Variants in ZNF207 observed in about 807,000 individuals in gnomAD.
The protein encoded by ZNF207 is BUB3-interacting and GLEBS motif-containing protein ZNF207.
ZNF207 carries 24 observed loss-of-function variants against 60.2 expected under a neutral mutation model. The observed-to-expected ratio is 0.40, with a 90% CI of 0.29 to 0.56. The LOEUF is 0.56. ZNF207 is among the 20% of genes least tolerant of loss of function. The pLI is 0.49. For synonymous variants in ZNF207, 236 were observed against 194.7 expected, an observed-to-expected ratio of 1.21 and a Z score of -1.77; for missense variants, 452 against 636.6, an observed-to-expected ratio of 0.71 and a Z score of 3.12.
chr17:32,373,512 A>G lies in ZNF207; in HGVS notation c.*3753A>G. ...TTTCACAGCTTTATGGCTGTTGGAT[A>G]TTTATGTCCCCAAACTTGCAGCAAG... On this transcript the variant is annotated 3_prime_UTR_variant, in exon 12 of 12. Coordinates refer to ENST00000394670, the MANE Select transcript of ZNF207 (RefSeq NM_001098507.2). The G allele has an allele frequency of 2.1e-6, 1 of 483,794 alleles. No homozygotes were observed. The highest frequency in any genetic ancestry group is 3.7e-6 in the Non-Finnish European group (1 of 268,386). The allele number at this position is 483,794 out of a possible 1,614,324, so 30.0% of individuals were successfully genotyped here.
rs1192414622 is a variant in ZNF207, at chr17:32,378,377, A to G, written c.*8618A>G. 1 of 152,072 alleles carries G rather than the reference A, an allele frequency of 6.6e-6. No homozygotes were observed. Among genetic ancestry groups the G allele is most frequent in the East Asian group, 1.9e-4 (1 of 5,198 alleles). The allele number at this position is 152,072 out of a possible 1,614,324, so 9.4% of individuals were successfully genotyped here. ...TTTTTACATTATGAATCAACCTAAG[A>G]AAAAAGGCAAGTTTCCTCACATCTA... On this transcript the variant is annotated 3_prime_UTR_variant, in exon 12 of 12. Transcript: ENST00000394670.
At chr17:32,350,741 C>T (rs1340606430) in intron 1 of ZNF207, among the ~76,000 whole-genome samples, 1 of 151,710 alleles carries the variant, frequency 6.6e-6, no homozygotes, top group Non-Finnish European at 1.5e-5. Flanking sequence ...CTGTCACCCA[C>T]TTTTTCTGTT....
rs775957450 is a variant in ZNF207, at chr17:32,351,846, T to G, written c.102T>G (p.His34Gln). Residue 34 changes from histidine to glutamine, a missense_variant, in exon 2 of 12, where the codon CAT (histidine) becomes CAG (glutamine). Around this residue, in one of 2 missense-constraint regions of ZNF207, gnomAD observed 62 missense variants for 175.3 expected, o/e 0.35. Coordinates refer to ENST00000394670, the MANE Select transcript of ZNF207 (RefSeq NM_001098507.2). ...KILIQHQKAK[H>Q]FKCHICHKKL... is the part of the protein sequence containing the mutation. The stretch of plus-strand genomic sequence containing the variant: ...TTATTCAGCACCAAAAAGCAAAGCA[T>G]TTTAAATGCCATATATGTCACAAGA... 1 of 1,610,870 alleles carries G rather than the reference T, an allele frequency of 6.2e-7. No individual in the cohort carries two copies.
chr17:32,371,222 T>A lies in ZNF207; in HGVS notation c.*1463T>A, dbSNP rs1284849813. The A allele has an allele frequency of 6.6e-6, 1 of 152,236 alleles. No individual in the cohort carries two copies. Among genetic ancestry groups the A allele is most frequent in the African/African-American group, 2.4e-5 (1 of 41,458 alleles). The allele number at this position is 152,236 out of a possible 1,614,324, so 9.4% of individuals were successfully genotyped here. A position where few individuals can be genotyped will look rare whatever the true frequency, so the allele number is the denominator to read the frequency against. On this transcript the variant is annotated 3_prime_UTR_variant, in exon 12 of 12. Transcript: ENST00000394670. ...ATAATGAACTCAAGTTGAGTTTTTC[T>A]CATTATAAAGTTAAGACTTCTAAGA...
Position 32,357,342 on chromosome 17 carries a change from ATTATTATTATTTT to A in ZNF207, c.169-1158_169-1146del, listed in dbSNP as rs1171495276. 1.6e-3 allele frequency among the ~76,000 whole-genome samples: 106 copies of A among 64,422 alleles called. 1 individual carries two copies. The highest frequency in any genetic ancestry group is 8.9e-3 in the African/African-American group (102 of 11,432). 42.3% of individuals were successfully genotyped at this position (64,422 alleles called of 152,430 possible). ...TATTATTATTATTATTATTATTATT[ATTATTATTATTTT>A]TTTTTTTTTTTGAGACAGAATCTCG... On this transcript the variant is annotated intron_variant, in intron 2 of 11. Transcript: ENST00000394670.
intron 8 of ZNF207, among the ~76,000 whole-genome samples, chr17:32,366,091 T>G (rs1016102176): frequency 6.6e-6 from 1 of 152,358 alleles, no homozygotes; most frequent in South Asian, 2.1e-4. Context: ...TTTTCCTAGT[T>G]TCATTGAGAA....
intron 2 of ZNF207, among the ~76,000 whole-genome samples, chr17:32,357,761 G>T (rs996744302): frequency 3.3e-5 from 5 of 151,846 alleles, no homozygotes; most frequent in African/African-American, 1.2e-4. Flanking sequence ...TCAGCCTGTC[G>T]AGTGACTGGG....
At position 32,350,164 on chromosome 17, in the gene ZNF207, A is replaced by T. The variant is rs780398008; in HGVS notation, c.-122A>T. ...GGAGCGGGGAACGAGGCCGTCGGCC[A>T]TTTTGTGTCTGCTTCCTGTGGGACG... On this transcript the variant is annotated 5_prime_UTR_variant, in exon 1 of 12. Coordinates refer to ENST00000394670, the MANE Select transcript of ZNF207 (RefSeq NM_001098507.2). 9.9e-6 allele frequency: 15 copies of T among 1,509,898 alleles called. No homozygotes were observed. The highest frequency in any genetic ancestry group is 1.4e-5 in the Non-Finnish European group (15 of 1,092,160). The allele number at this position is 1,509,898 out of a possible 1,614,324, so 93.5% of individuals were successfully genotyped here.
At chr17:32,368,329 C>A in intron 10 of ZNF207, 2 of 307,442 alleles carry the variant, frequency 6.5e-6, no homozygotes, top group South Asian at 4.3e-5. Flanking sequence ...ATTGAATAAA[C>A]GTTAAGTGTG....
chr17:32,362,863 G>C (rs1904960917), intron 6 of ZNF207, 51 bp from the exon 7 acceptor site: 2 of 1,528,408 alleles, frequency 1.3e-6, no homozygotes, highest in Middle Eastern at 2.0e-4. Flanking sequence ...ATTTTTTAAT[G>C]GTTTATGCTG....
At position 32,373,063 on chromosome 17, in the gene ZNF207, G is replaced by A. The variant is rs573013651; in HGVS notation, c.*3304G>A. The A allele has an allele frequency of 3.2e-5, 6 of 190,472 alleles. No homozygotes were observed. The highest frequency in any genetic ancestry group is 9.3e-5 in the African/African-American group (4 of 43,168). The allele number at this position is 190,472 out of a possible 1,614,324, so 11.8% of individuals were successfully genotyped here. A position where few individuals can be genotyped will look rare whatever the true frequency, so the allele number is the denominator to read the frequency against. On this transcript the variant is annotated 3_prime_UTR_variant, in exon 12 of 12. Transcript: ENST00000394670. ...GGTAAGGATTAATTTTTGAGTGGCTGCTGGAATTACTTGATTTGAATACTT... is the reference window on the plus strand; with the variant it reads ...GGTAAGGATTAATTTTTGAGTGGCTACTGGAATTACTTGATTTGAATACTT...
rs1392764882 is a variant in ZNF207, at chr17:32,370,845, T to C, written c.*1086T>C. Reference sequence around the variant, plus strand: ...TTCTTGTGCTGTTAATGGGTTATTATATATTATTCTAAGTGTAATGCTGAG... The same window carrying C: ...TTCTTGTGCTGTTAATGGGTTATTACATATTATTCTAAGTGTAATGCTGAG... On this transcript the variant is annotated 3_prime_UTR_variant, in exon 12 of 12. Coordinates refer to ENST00000394670, the MANE Select transcript of ZNF207 (RefSeq NM_001098507.2). 2 of 152,356 alleles carry C rather than the reference T, an allele frequency of 1.3e-5. No individual in the cohort carries two copies. Among genetic ancestry groups the C allele is most frequent in the Non-Finnish European group, 2.9e-5 (2 of 68,034 alleles). The allele number at this position is 152,356 out of a possible 1,614,324, so 9.4% of individuals were successfully genotyped here. A position where few individuals can be genotyped will look rare whatever the true frequency, so the allele number is the denominator to read the frequency against.
In ZNF207 at chr17:32,366,771, TG is replaced by T. The variant is rs773630971; in HGVS notation, c.921+15del. The T allele has an allele frequency of 3.1e-6, 5 of 1,588,414 alleles. No individual in the cohort carries two copies. The highest frequency in any genetic ancestry group is 4.3e-6 in the Non-Finnish European group (5 of 1,170,120). On this transcript the variant is annotated intron_variant, in intron 9 of 11. Coordinates refer to ENST00000394670, the MANE Select transcript of ZNF207 (RefSeq NM_001098507.2). ...AGCACAGCACAAGTACGCAGGAAGT[TG>T]CAGTTTAAAATTGTTAAAATGGCTT...
intron 9 of ZNF207, among the ~76,000 whole-genome samples, chr17:32,367,264 T>TATATATA (rs1221199615): frequency 3.5e-5 from 4 of 115,488 alleles, no homozygotes; most frequent in Non-Finnish European, 7.1e-5. Context: ...TATATATATA[T>TATATATA]ATATATATAT....
Position 32,379,288 on chromosome 17 carries a change from A to T in ZNF207, c.*9529A>T, listed in dbSNP as rs925196516. The T allele has an allele frequency of 4.6e-5, 7 of 152,104 alleles. No homozygotes were observed. Among genetic ancestry groups the T allele is most frequent in the Non-Finnish European group, 7.4e-5 (5 of 67,940 alleles). 9.4% of individuals were successfully genotyped at this position (152,104 alleles called of 1,614,324 possible). A position where few individuals can be genotyped will look rare whatever the true frequency, so the allele number is the denominator to read the frequency against. On this transcript the variant is annotated 3_prime_UTR_variant, in exon 12 of 12. Transcript: ENST00000394670. ...CTGAAATAGGACACTTTGATTAAAG[A>T]GGTGAGCACTCTGAATTTCTACATC...
In ZNF207 at chr17:32,369,904, A is replaced by G; in HGVS notation, c.*145A>G. On this transcript the variant is annotated 3_prime_UTR_variant, in exon 12 of 12. Coordinates refer to ENST00000394670, the MANE Select transcript of ZNF207 (RefSeq NM_001098507.2). ...ACATACCAGGAACTATTGGACATTT[A>G]TTTTACATGGGAAAAATTATTTGGA... The G allele has an allele frequency of 1.1e-6, 1 of 944,392 alleles. No individual in the cohort carries two copies. The highest frequency in any genetic ancestry group is 1.4e-6 in the Non-Finnish European group (1 of 716,520). The allele number at this position is 944,392 out of a possible 1,614,324, so 58.5% of individuals were successfully genotyped here. A position where few individuals can be genotyped will look rare whatever the true frequency, so the allele number is the denominator to read the frequency against.
At chr17:32,358,134 G>T (rs907626618) in intron 2 of ZNF207, among the ~76,000 whole-genome samples, 8 of 152,188 alleles carry the variant, frequency 5.3e-5, no homozygotes, top group Non-Finnish European at 2.9e-5. Context: ...ATTCACACTT[G>T]AAACATCCCT....
chr17:32,367,056 CA>C lies in ZNF207; in HGVS notation c.921+300del, dbSNP rs145232726. ...TGATTTAATGCTGTTTAATGCATCACATTTAATGTAAGAAAATTTAATACTG... is the reference window on the plus strand; with the variant it reads ...TGATTTAATGCTGTTTAATGCATCACTTTAATGTAAGAAAATTTAATACTG... On this transcript the variant is annotated intron_variant, in intron 9 of 11. Coordinates refer to ENST00000394670, the MANE Select transcript of ZNF207 (RefSeq NM_001098507.2). 7.6e-3 allele frequency among the ~76,000 whole-genome samples: 1,152 copies of C among 151,664 alleles called. 17 individuals are homozygous for C. Among genetic ancestry groups the C allele is most frequent in the African/African-American group, 0.027 (1,101 of 41,392 alleles).
chr17:32,369,109 G>A, intron 10 of ZNF207, 186 bp from the exon 11 acceptor site: 1 of 544,354 alleles, frequency 1.8e-6, no homozygotes, highest in South Asian at 3.4e-5. Context: ...TTACAAATAG[G>A]TGAAGTTTTA....
Sources: allele counts gnomAD v4.1 joint callset (sites outside exome capture counted in the v4.1 genomes callset), GRCh38; gene constraint gnomAD v4.1.1; regional missense constraint gnomAD v4.1.1; transcripts MANE v1.5; gene names NCBI Gene and HGNC (gene_info 2026-07-23, HGNC 2026-07-21).